BMPR2: variants seen among roughly 807,000 people sequenced by gnomAD.
BMPR2 encodes bone morphogenetic protein receptor type 2, also known as bone morphogenetic protein receptor type-2.
Under a neutral mutation model 100.8 loss-of-function variants are expected in BMPR2, and 29 were observed. The ratio of observed to expected loss-of-function variants is 0.29; its 90% CI spans 0.21 to 0.39. BMPR2 has a LOEUF of 0.39. Ranked by LOEUF, BMPR2 falls within the 10% of genes least tolerant of loss-of-function variation. The pLI, the probability that BMPR2 is intolerant of heterozygous loss-of-function variation, is 1.00. For synonymous variants in BMPR2, 382 were observed against 442.3 expected (o/e 0.86, Z 1.71); for missense variants, 1,011 against 1,274.5 (o/e 0.79, Z 3.15).
intron 1 of BMPR2, among the ~76,000 whole-genome samples, chr2:202,418,649 A>G (rs1691189469): frequency 1.3e-5 from 2 of 152,174 alleles, no homozygotes; most frequent in East Asian, 1.9e-4. Context: ...GGCAGATTCA[A>G]AGATTTTGTA....
Position 202,444,696 on chromosome 2 carries a change from T to C in BMPR2, c.77-20113T>C, listed in dbSNP as rs188397742. Among the ~76,000 whole-genome samples, 32 of 151,038 alleles carry C rather than the reference T, an allele frequency of 2.1e-4. 1 individual carries two copies. Among genetic ancestry groups the C allele is most frequent in the Admixed American group, 1.7e-3 (26 of 15,264 alleles). On this transcript the variant is annotated intron_variant, in intron 1 of 12. Coordinates refer to ENST00000374580, the MANE Select transcript of BMPR2 (RefSeq NM_001204.7). ...ATTGTTTTATTTACCCTTCTTTTTC[T>C]CTAGAACTTAACTCTACATTTGGAA... is the stretch of plus-strand genomic sequence containing the variant.
intron 3 of BMPR2, among the ~76,000 whole-genome samples, chr2:202,480,017 T>C (rs1384994346): frequency 2.0e-5 from 3 of 152,162 alleles, no homozygotes; most frequent in Non-Finnish European, 4.4e-5. Flanking sequence ...GTCTCATTCT[T>C]TGGCTTGTCA....
chr2:202,546,664 C>T (rs1208388639), intron 10 of BMPR2, among the ~76,000 whole-genome samples: 7 of 152,106 alleles, frequency 4.6e-5, no homozygotes, highest in Admixed American at 1.3e-4. Context: ...AGTGCAGTGG[C>T]GCAATCTCAG....
At chr2:202,462,683 C>T (rs1246541214) in intron 1 of BMPR2, among the ~76,000 whole-genome samples, 1 of 150,816 alleles carries the variant, frequency 6.6e-6, no homozygotes, top group Non-Finnish European at 1.5e-5. Flanking sequence ...ATCCACAGGC[C>T]CTTATGGTTT....
At chr2:202,470,633 G>A (rs922207431) in intron 3 of BMPR2, among the ~76,000 whole-genome samples, 3 of 151,662 alleles carry the variant, frequency 2.0e-5, no homozygotes, top group East Asian at 1.9e-4. Flanking sequence ...GCGCGGTGGC[G>A]GGCGCCTGTA....
intron 1 of BMPR2, among the ~76,000 whole-genome samples, chr2:202,464,178 A>G (rs1359063337): frequency 6.6e-6 from 1 of 151,602 alleles, no homozygotes; most frequent in Non-Finnish European, 1.5e-5. Flanking sequence ...AAAAAAAAAA[A>G]AAAGAATTTT....
chr2:202,383,850 CAA>C (rs995434945), intron 1 of BMPR2, among the ~76,000 whole-genome samples: 1 of 139,502 alleles, frequency 7.2e-6, no homozygotes, highest in Admixed American at 7.2e-5. Flanking sequence ...GACTCCATCT[CAA>C]AAAAAAAAAA....
intron 11 of BMPR2, 124 bp from the exon 12 acceptor site, chr2:202,555,128 A>G: frequency 1.1e-6 from 1 of 898,566 alleles, no homozygotes. Context: ...TAACCTTTAG[A>G]AAAATGTACG....
intron 7 of BMPR2, chr2:202,520,576 T>C (rs1687802183): frequency 6.9e-6 from 2 of 288,872 alleles, no homozygotes; most frequent in African/African-American, 4.5e-5. Flanking sequence ...GCACCAACCC[T>C]TCCCAAGGAC....
At chr2:202,477,960 ATGTATT>A (rs1233925326) in intron 3 of BMPR2, among the ~76,000 whole-genome samples, 1 of 152,122 alleles carries the variant, frequency 6.6e-6, no homozygotes, top group African/African-American at 2.4e-5. Flanking sequence ...ACTTGCTAAA[ATGTATT>A]TGTAACCCCA....
At chr2:202,531,930 ATTT>A (rs71035015) in intron 8 of BMPR2, among the ~76,000 whole-genome samples, 6,655 of 51,374 alleles carry the variant, frequency 0.13, 141 homozygotes, top group South Asian at 0.25. Flanking sequence ...GCCCAGCTGT[ATTT>A]TTTTTTTTTT....
intron 9 of BMPR2, among the ~76,000 whole-genome samples, chr2:202,538,404 C>T (rs941268917): frequency 2.0e-5 from 3 of 150,488 alleles, no homozygotes; most frequent in Admixed American, 6.6e-5. Context: ...TGCAGTGAGC[C>T]GAGATTGCCT....
At position 202,562,331 on chromosome 2, in the gene BMPR2, A is replaced by G. The variant is rs1310396100; in HGVS notation, c.*2385A>G. ...TTAAAAATTAATATGCCAGATTAAA[A>G]TAACTGAATAGTTTACTATTTCATT... On this transcript the variant is annotated 3_prime_UTR_variant, in exon 13 of 13. Transcript: ENST00000374580. The G allele has an allele frequency of 6.6e-6, 1 of 152,620 alleles. No homozygotes were observed. The highest frequency in any genetic ancestry group is 1.5e-5 in the Non-Finnish European group (1 of 68,002). The allele number at this position is 152,620 out of a possible 1,614,324, so 9.5% of individuals were successfully genotyped here.
intron 3 of BMPR2, among the ~76,000 whole-genome samples, chr2:202,507,079 A>G (rs1369614487): frequency 6.6e-6 from 1 of 151,642 alleles, no homozygotes; most frequent in Non-Finnish European, 1.5e-5. Context: ...CCTTAAAAAA[A>G]AAAAAAAAAA....
intron 3 of BMPR2, among the ~76,000 whole-genome samples, chr2:202,480,247 C>G (rs1235489504): frequency 6.6e-6 from 1 of 152,144 alleles, no homozygotes; most frequent in Non-Finnish European, 1.5e-5. Flanking sequence ...ATTCTCCTGT[C>G]TCAGCCTCCC....
chr2:202,377,115 T>G lies in BMPR2; in HGVS notation c.-360T>G. On this transcript the variant is annotated 5_prime_UTR_variant, in exon 1 of 13. Coordinates refer to ENST00000374580, the MANE Select transcript of BMPR2 (RefSeq NM_001204.7). ...CCCCGCCCTCCGCACCCTGGATATG[T>G]TTTCTCCCAGACCTGGATATTTTTT... is the stretch of plus-strand genomic sequence containing the variant. 1 of 562,876 alleles carries G rather than the reference T, an allele frequency of 1.8e-6. No homozygotes were observed. 34.9% of individuals were successfully genotyped at this position (562,876 alleles called of 1,614,324 possible).
In BMPR2 at chr2:202,556,469, C is replaced by T. The variant is rs1315653936; in HGVS notation, c.2804C>T (p.Ala935Val). Residue 935 changes from alanine (A) to valine (V), a missense_variant, in exon 12 of 13, where the codon GCA (alanine) becomes GTA (valine). This residue lies in a region of BMPR2 where 508 missense variants were observed against 552.0 expected (regional missense o/e 0.92). Coordinates refer to ENST00000374580, the MANE Select transcript of BMPR2 (RefSeq NM_001204.7). ...ADPGPSKPRR[A>V]QRPNSLDLSA... ...CCTGGGCCATCAAAGCCCAGAAGAGCACAGAGGCCTAATTCTCTGGATCTT... is the reference window on the plus strand; with the variant it reads ...CCTGGGCCATCAAAGCCCAGAAGAGTACAGAGGCCTAATTCTCTGGATCTT... 3.1e-6 allele frequency: 5 copies of T among 1,614,062 alleles called. No homozygotes were observed. In the South Asian group the frequency reaches 5.5e-5, roughly 18 times the overall value.
At chr2:202,491,780 G>T (rs771018929) in intron 3 of BMPR2, among the ~76,000 whole-genome samples, 15 of 152,102 alleles carry the variant, frequency 9.9e-5, no homozygotes, top group Non-Finnish European at 1.8e-4. Flanking sequence ...ACAACTAGAG[G>T]ATGTACAGCC....
intron 3 of BMPR2, among the ~76,000 whole-genome samples, chr2:202,493,641 T>C (rs1252562633): frequency 6.6e-6 from 1 of 152,192 alleles, no homozygotes; most frequent in Non-Finnish European, 1.5e-5. Context: ...CTCCTAATCA[T>C]AAAATAGCTA....
Sources: gnomAD v4.1 joint callset for allele counts (sites outside exome capture counted in the v4.1 genomes callset) on GRCh38, gnomAD v4.1.1 for gene constraint, gnomAD v4.1.1 regional missense constraint, MANE v1.5 for transcripts, NCBI Gene and HGNC (gene_info 2026-07-23, HGNC 2026-07-21) for gene names.